Variants in TSPAN14 observed in about 807,000 individuals in gnomAD.
TSPAN14 encodes tetraspanin-14.
In TSPAN14, 16 loss-of-function variants were observed where a neutral mutation model predicts 36.6. The observed-to-expected ratio is 0.44, with a 90% CI of 0.30 to 0.66. The LOEUF (loss-of-function observed/expected upper bound fraction) is 0.66. Ranked by LOEUF, TSPAN14 falls within the 30% of genes least tolerant of loss-of-function variation. The pLI is 0.12. For missense variants in TSPAN14, 231 were observed against 355.1 expected, an observed-to-expected ratio of 0.65 and a Z score of 2.81; for synonymous variants, 139 against 143.8, an observed-to-expected ratio of 0.97 and a Z score of 0.24.
intron 1 of TSPAN14, chr10:80,459,215 G>C (rs1293151121): frequency 6.6e-6 from 1 of 152,264 alleles, no homozygotes; most frequent in African/African-American, 2.4e-5. Flanking sequence ...CCTTGGGCTT[G>C]GTGGGGTTGG....
At chr10:80,464,388 G>A (rs887722993) in intron 1 of TSPAN14, among the ~76,000 whole-genome samples, 3 of 152,218 alleles carry the variant, frequency 2.0e-5, no homozygotes, top group African/African-American at 7.2e-5. Context: ...CAGAAATGGG[G>A]TACGGTTCTT....
At chr10:80,482,845 C>G (rs1847368588) in intron 1 of TSPAN14, among the ~76,000 whole-genome samples, 1 of 150,524 alleles carries the variant, frequency 6.6e-6, no homozygotes, top group Non-Finnish European at 1.5e-5. Context: ...AAGTGATTCT[C>G]CTGCCTCAGC....
At chr10:80,495,365 GTGTGTGTGTGTGTA>G (rs779364774) in intron 2 of TSPAN14, among the ~76,000 whole-genome samples, 1,669 of 33,864 alleles carry the variant, frequency 0.049, 14 homozygotes, top group East Asian at 0.25. Context: ...GTGTGTGTGT[GTGTGTGTGTGTGTA>G]TGTACATGTG....
At position 80,485,289 on chromosome 10, in the gene TSPAN14, G is replaced by A. The variant is rs145703890; in HGVS notation, c.-17-3928G>A. 1.2e-3 allele frequency among the ~76,000 whole-genome samples: 189 copies of A among 152,272 alleles called. 1 individual carries two copies. The highest frequency in any genetic ancestry group is 4.4e-3 in the African/African-American group (181 of 41,552). ...AACTTCTGCCTTCCTTCAGTATGAT[G>A]TGGTTTAGCAAATGAGGTGAGATGC... On this transcript the variant is annotated intron_variant, in intron 1 of 8. Transcript: ENST00000429989.
chr10:80,455,454 T>C (rs1845693487), intron 1 of TSPAN14, among the ~76,000 whole-genome samples: 1 of 152,076 alleles, frequency 6.6e-6, no homozygotes, highest in African/African-American at 2.4e-5. Flanking sequence ...CCAGGGGATC[T>C]TCCTCCCTTC....
At chr10:80,511,495 G>C (rs1840616432) in intron 5 of TSPAN14, among the ~76,000 whole-genome samples, 1 of 152,114 alleles carries the variant, frequency 6.6e-6, no homozygotes, top group Non-Finnish European at 1.5e-5. Context: ...GTCTGAGGAG[G>C]CTGGAAGGAG....
Position 80,469,155 on chromosome 10 carries a change from G to T in TSPAN14, c.-18+14784G>T, listed in dbSNP as rs1589241637. Among the ~76,000 whole-genome samples the T allele has an allele frequency of 2.0e-5, 3 of 152,122 alleles. No homozygotes were observed. In the South Asian group the frequency reaches 6.3e-4, roughly 32 times the overall value. ...GAGGTTATCTTTGGGGCATGGGGGTGGGGGTAGGGATGGGGGGGTAACTGG... is the reference window on the plus strand; with the variant it reads ...GAGGTTATCTTTGGGGCATGGGGGTTGGGGTAGGGATGGGGGGGTAACTGG... On this transcript the variant is annotated intron_variant, in intron 1 of 8. Transcript: ENST00000429989.
intron 5 of TSPAN14, among the ~76,000 whole-genome samples, chr10:80,511,760 CTCTCTCTCT>C (rs1840658644): frequency 1.5e-5 from 2 of 136,818 alleles, no homozygotes; most frequent in African/African-American, 2.9e-5. Flanking sequence ...CTCTCTCTCT[CTCTCTCTCT>C]CTCCCCTTTT....
At chr10:80,517,719 C>T (rs1428497611) in intron 8 of TSPAN14, among the ~76,000 whole-genome samples, 186 bp from the exon 9 acceptor site, 1 of 152,186 alleles carries the variant, frequency 6.6e-6, no homozygotes, top group Admixed American at 6.5e-5. Context: ...GACCCCAGGA[C>T]CCCTTTTTTG....
At position 80,483,287 on chromosome 10, in the gene TSPAN14, A is replaced by T. The variant is rs138071603; in HGVS notation, c.-17-5930A>T. On this transcript the variant is annotated intron_variant, in intron 1 of 8. Transcript: ENST00000429989. Reference sequence around the variant, plus strand: ...TACAAAGGTGGTAATGGTAAGTGTGATGCTGGAAACCTTTTTGGAAAATCA... The same window carrying T: ...TACAAAGGTGGTAATGGTAAGTGTGTTGCTGGAAACCTTTTTGGAAAATCA... Among the ~76,000 whole-genome samples the T allele has an allele frequency of 1.4e-3, 208 of 152,244 alleles. 1 individual carries two copies. The highest frequency in any genetic ancestry group is 4.8e-3 in the African/African-American group (198 of 41,546).
At chr10:80,471,373 C>T (rs1200828084) in intron 1 of TSPAN14, among the ~76,000 whole-genome samples, 2 of 152,120 alleles carry the variant, frequency 1.3e-5, no homozygotes, top group East Asian at 1.9e-4. Context: ...AGGGCCCAGC[C>T]CAGTCCTCCT....
intron 1 of TSPAN14, among the ~76,000 whole-genome samples, chr10:80,470,680 G>T (rs1049334791): frequency 4.6e-5 from 7 of 152,216 alleles, no homozygotes; most frequent in Admixed American, 4.6e-4. Context: ...GTAACAGCCA[G>T]CTTTTAAAGA....
At chr10:80,481,534 T>C (rs1847274745) in intron 1 of TSPAN14, among the ~76,000 whole-genome samples, 1 of 152,198 alleles carries the variant, frequency 6.6e-6, no homozygotes, top group Middle Eastern at 3.4e-3. Flanking sequence ...TGCAGTTTAA[T>C]TAGTGGAGAG....
rs57795678 is a variant in TSPAN14 at position 80,483,911 on chromosome 10, C to CAAAA, written c.-17-5269_-17-5266dup. 2.4e-3 allele frequency among the ~76,000 whole-genome samples: 39 copies of CAAAA among 16,546 alleles called. 3 individuals are homozygous for CAAAA. The highest frequency in any genetic ancestry group is 4.0e-3 in the South Asian group (1 of 252). 10.9% of individuals were successfully genotyped at this position (16,546 alleles called of 152,430 possible). A position where few individuals can be genotyped will look rare whatever the true frequency, so the allele number is the denominator to read the frequency against. On this transcript the variant is annotated intron_variant, in intron 1 of 8. Coordinates refer to ENST00000429989, the Ensembl canonical transcript of TSPAN14. ...GGCAACAAGAGCAAAACTCTTGTCT[C>CAAAA]AAAAAAAAAAAAAAAAAAAAAAAAA...
exon 9 of TSPAN14, chr10:80,521,555 A>G (rs964245076): frequency 1.3e-5 from 2 of 152,160 alleles, no homozygotes; most frequent in African/African-American, 4.8e-5. Context: ...TCCCTCTGTC[A>G]TCGTGCCCAG....
intron 2 of TSPAN14, 22 bp from the exon 3 acceptor site, chr10:80,504,706 C>G (rs1294880456): frequency 1.2e-6 from 2 of 1,614,052 alleles, no homozygotes; most frequent in East Asian, 2.2e-5. Context: ...ACTTCCTTCT[C>G]TCTTTCCTCT....
chr10:80,489,189 A>C (rs1207578377), intron 1 of TSPAN14, 28 bp from the exon 2 acceptor site: 1 of 1,466,122 alleles, frequency 6.8e-7, no homozygotes, highest in Admixed American at 2.0e-5. Context: ...TGAGCCTGCC[A>C]TCTCACTAGT....
chr10:80,484,350 G>A (rs1847478039), intron 1 of TSPAN14, among the ~76,000 whole-genome samples: 1 of 151,746 alleles, frequency 6.6e-6, no homozygotes, highest in Non-Finnish European at 1.5e-5. Flanking sequence ...TTAAAGACCG[G>A]GTCTTGCTCT....
Position 80,504,793 on chromosome 10 carries a change from C to T in TSPAN14, c.132+15C>T, listed in dbSNP as rs199718290. On this transcript the variant is annotated intron_variant, in intron 3 of 8. Coordinates refer to ENST00000429989, the Ensembl canonical transcript of TSPAN14. The stretch of plus-strand genomic sequence containing the variant: ...GGAGCGAAAAGGTAGGTGTAACTGT[C>T]GCAGGACACTGAGCTTCAGGCAGCC... 1.7e-4 allele frequency: 280 copies of T among 1,614,100 alleles called. 1 individual carries two copies. Among genetic ancestry groups the T allele is most frequent in the South Asian group, 6.3e-4 (57 of 91,082 alleles).
Sources: gnomAD v4.1 joint callset for allele counts (sites outside exome capture counted in the v4.1 genomes callset) on GRCh38, gnomAD v4.1.1 for gene constraint, MANE v1.5 for transcripts, NCBI Gene and HGNC (gene_info 2026-07-23, HGNC 2026-07-21) for gene names.